NTRK3: variants seen among roughly 807,000 people sequenced by gnomAD.
NTRK3 encodes neurotrophic receptor tyrosine kinase 3.
A neutral mutation model predicts 91.7 loss-of-function variants in NTRK3; 24 were observed. That is an observed-to-expected ratio of 0.26 (90% CI 0.19 to 0.37). The LOEUF (loss-of-function observed/expected upper bound fraction) is 0.37, where lower values mean the gene tolerates loss of function less well. Ranked by LOEUF, NTRK3 falls within the 10% of genes least tolerant of loss-of-function variation. The probability of loss-of-function intolerance (pLI) is 1.00; values close to 1 mark genes in which losing one functional copy is unlikely to be tolerated. For missense variants in NTRK3, 880 were observed against 1,068.9 expected, an observed-to-expected ratio of 0.82 and a Z score of 2.46; for synonymous variants, 483 against 404.0, an observed-to-expected ratio of 1.20 and a Z score of -2.34.
chr15:88,054,366 G>A (rs566922943), intron 13 of NTRK3, among the ~76,000 whole-genome samples: 9 of 152,084 alleles, frequency 5.9e-5, no homozygotes, highest in African/African-American at 1.7e-4. Context: ...TGCCCACCCC[G>A]GTCCCAGCCA....
At chr15:87,906,983 G>A (rs897330583) in intron 17 of NTRK3, among the ~76,000 whole-genome samples, 9 of 152,174 alleles carry the variant, frequency 5.9e-5, no homozygotes, top group Non-Finnish European at 1.0e-4. Flanking sequence ...TAAAATGACT[G>A]TATGCCCCAA....
intron 13 of NTRK3, among the ~76,000 whole-genome samples, chr15:88,082,164 G>C (rs1417811454): frequency 6.6e-6 from 1 of 151,994 alleles, no homozygotes; most frequent in African/African-American, 2.4e-5. Flanking sequence ...TGTAGTCCCA[G>C]CTACTTGGGA....
chr15:88,053,778 G>T (rs964890482), intron 13 of NTRK3, among the ~76,000 whole-genome samples: 1 of 152,218 alleles, frequency 6.6e-6, no homozygotes, highest in Non-Finnish European at 1.5e-5. Flanking sequence ...ATAAATATTA[G>T]TAATTAATAG....
chr15:88,159,047 G>T (rs769218108), intron 5 of NTRK3, among the ~76,000 whole-genome samples: 2 of 152,222 alleles, frequency 1.3e-5, no homozygotes, highest in Non-Finnish European at 2.9e-5. Context: ...TGCCCAGGGC[G>T]GGCACTGTCA....
intron 13 of NTRK3, among the ~76,000 whole-genome samples, chr15:88,123,249 G>A (rs2052926120): frequency 6.6e-6 from 1 of 152,222 alleles, no homozygotes; most frequent in Non-Finnish European, 1.5e-5. Flanking sequence ...CCATTCTGGA[G>A]TTGAGGAAAC....
At chr15:88,011,415 T>A (rs2076874140) in intron 14 of NTRK3, among the ~76,000 whole-genome samples, 1 of 152,212 alleles carries the variant, frequency 6.6e-6, no homozygotes, top group Admixed American at 6.5e-5. Flanking sequence ...CACATTTCCA[T>A]ATTAAACAGG....
At chr15:88,086,369 A>G (rs764509353) in intron 13 of NTRK3, among the ~76,000 whole-genome samples, 2 of 152,208 alleles carry the variant, frequency 1.3e-5, no homozygotes, top group Admixed American at 6.5e-5. Context: ...TTATAAAAAC[A>G]TGCTGGATTT....
chr15:87,908,487 A>G, intron 17 of NTRK3: 1 of 399,778 alleles, frequency 2.5e-6, no homozygotes, highest in Non-Finnish European at 4.4e-6. Flanking sequence ...ATCCAGACTC[A>G]CTGTGGAAGC....
At chr15:88,050,566 CTCACACACACAA>C (rs1484911870) in intron 13 of NTRK3, among the ~76,000 whole-genome samples, 10 of 146,484 alleles carry the variant, frequency 6.8e-5, no homozygotes, top group African/African-American at 2.5e-4. Context: ...TATACACACA[CTCACACACACAA>C]ATAAATCAGA....
chr15:87,863,113 A>C, exon 19 of NTRK3: 1 of 231,058 alleles, frequency 4.3e-6, no homozygotes, highest in Non-Finnish European at 8.6e-6. Context: ...CTTCAAATGA[A>C]GTCTAGTGTG....
Position 88,243,093 on chromosome 15 carries a change from G to A in NTRK3, c.248+12813C>T, listed in dbSNP as rs867148008. Reference sequence around the variant, plus strand: ...CTTCCTTCAACACCAGGGACTTTGAGGAGCCCTGAGCTGAACTCCTCTTCC... The same window carrying A: ...CTTCCTTCAACACCAGGGACTTTGAAGAGCCCTGAGCTGAACTCCTCTTCC... On this transcript the variant is annotated intron_variant, in intron 3 of 18. Transcript: ENST00000394480. The surrounding 1 kb of genome is among the most constrained non-coding windows in gnomAD (Gnocchi z 4.8). Among the ~76,000 whole-genome samples the A allele has an allele frequency of 2.6e-5, 4 of 152,162 alleles. No individual in the cohort carries two copies. Among genetic ancestry groups the A allele is most frequent in the African/African-American group, 9.7e-5 (4 of 41,444 alleles).
At chr15:88,221,022 G>A (rs998561771) in intron 3 of NTRK3, among the ~76,000 whole-genome samples, 3 of 152,194 alleles carry the variant, frequency 2.0e-5, no homozygotes, top group African/African-American at 7.2e-5. Flanking sequence ...CTCTCCTGGG[G>A]ATTCTGAAAC....
chr15:88,138,946 C>G (rs1180489463), intron 6 of NTRK3, among the ~76,000 whole-genome samples: 2 of 152,172 alleles, frequency 1.3e-5, no homozygotes, highest in Non-Finnish European at 2.9e-5. Flanking sequence ...GACTGACTGT[C>G]CCTGGGGGAG....
intron 14 of NTRK3, among the ~76,000 whole-genome samples, chr15:88,005,081 A>G (rs1455961038): frequency 6.6e-6 from 1 of 152,118 alleles, no homozygotes; most frequent in East Asian, 1.9e-4. Context: ...TGTTACTCCA[A>G]AGGTTTTCAC....
intron 14 of NTRK3, among the ~76,000 whole-genome samples, chr15:88,002,391 G>A (rs2076174025): frequency 6.6e-6 from 1 of 151,896 alleles, no homozygotes; most frequent in Non-Finnish European, 1.5e-5. Context: ...TCAAGGAAAT[G>A]GTGAATCTGT....
intron 5 of NTRK3, among the ~76,000 whole-genome samples, chr15:88,170,704 C>T (rs748664841): frequency 2.0e-5 from 3 of 152,170 alleles, no homozygotes; most frequent in Admixed American, 6.5e-5. Flanking sequence ...ACCCTCAGGA[C>T]GTAGGCTATG....
intron 5 of NTRK3, among the ~76,000 whole-genome samples, chr15:88,157,339 C>T (rs928301807): frequency 2.6e-5 from 4 of 152,026 alleles, no homozygotes; most frequent in Non-Finnish European, 4.4e-5. Flanking sequence ...ACTGAGAACT[C>T]TTCTTAGGGG....
At chr15:88,087,800 G>A (rs920821153) in intron 13 of NTRK3, among the ~76,000 whole-genome samples, 3 of 152,188 alleles carry the variant, frequency 2.0e-5, no homozygotes, top group Admixed American at 6.5e-5. Context: ...TGTAATCCCA[G>A]CACTTTGGGA....
chr15:87,914,904 A>G (rs2067337810), intron 17 of NTRK3, among the ~76,000 whole-genome samples: 1 of 152,230 alleles, frequency 6.6e-6, no homozygotes, highest in East Asian at 1.9e-4. Flanking sequence ...TGGAACATTG[A>G]TGGATTCAAT....
Sources: gnomAD v4.1 joint callset for allele counts (sites outside exome capture counted in the v4.1 genomes callset) on GRCh38, gnomAD v4.1.1 for gene constraint, Gnocchi (gnomAD v3.1) non-coding constraint, MANE v1.5 for transcripts, NCBI Gene and HGNC (gene_info 2026-07-23, HGNC 2026-07-21) for gene names.